The following PDE1C variants were observed in gnomAD, a reference collection of about 807,000 sequenced individuals.
PDE1C encodes phosphodiesterase 1C.
Under a neutral mutation model 93.1 loss-of-function variants are expected in PDE1C, and 62 were observed. The ratio of observed to expected loss-of-function variants is 0.67; its 90% CI spans 0.54 to 0.82. The LOEUF is 0.82. PDE1C is among the 40% of genes least tolerant of loss of function. The probability of loss-of-function intolerance (pLI) is 0.00; values close to 1 mark genes in which losing one functional copy is unlikely to be tolerated. For synonymous variants in PDE1C, 325 were observed against 310.1 expected (o/e 1.05, Z -0.50); for missense variants, 742 against 884.6 (o/e 0.84, Z 2.04).
At chr7:32,028,440 C>G (rs1042895570) in intron 2 of PDE1C, among the ~76,000 whole-genome samples, 1 of 152,102 alleles carries the variant, frequency 6.6e-6, no homozygotes, top group Non-Finnish European at 1.5e-5. Flanking sequence ...TCTATGCAAA[C>G]CATAAGAAAG....
rs560171485 is a variant in PDE1C, at chr7:31,852,623, C to T, written c.751-1882G>A. 5.3e-5 allele frequency among the ~76,000 whole-genome samples: 8 copies of T among 152,204 alleles called. No individual in the cohort carries two copies. The East Asian group carries it at 1.6e-3, about 30-fold the overall frequency. ...ATCATAGGTACTGTTGCTATCCCCA[C>T]TTGACAGATAAGGAAACAAGCCAGG... On this transcript the variant is annotated intron_variant, in intron 7 of 17. Coordinates refer to ENST00000396191, the MANE Select transcript of PDE1C (RefSeq NM_001191057.4).
At chr7:32,377,837 A>C (rs761466578) in intron 1 of PDE1C, among the ~76,000 whole-genome samples, 1 of 152,162 alleles carries the variant, frequency 6.6e-6, no homozygotes, top group Non-Finnish European at 1.5e-5. Context: ...CGCACCAAGC[A>C]AACCAAGCGG....
intron 17 of PDE1C, among the ~76,000 whole-genome samples, chr7:31,773,198 T>A (rs750650739): frequency 6.6e-6 from 1 of 152,170 alleles, no homozygotes; most frequent in Non-Finnish European, 1.5e-5. Flanking sequence ...TCTGACCATC[T>A]CTCAAGTCCT....
At chr7:31,850,098 C>T (rs745910792) in intron 8 of PDE1C, among the ~76,000 whole-genome samples, 4 of 152,036 alleles carry the variant, frequency 2.6e-5, no homozygotes, top group South Asian at 2.1e-4. Context: ...AGGTTGCTCA[C>T]GGTGAAAGTA....
At chr7:32,185,189 G>A (rs895326999) in intron 2 of PDE1C, among the ~76,000 whole-genome samples, 1 of 147,020 alleles carries the variant, frequency 6.8e-6, no homozygotes, top group African/African-American at 2.5e-5. Context: ...AGGTTGATGT[G>A]AGCTGAGATA....
intron 12 of PDE1C, among the ~76,000 whole-genome samples, chr7:31,825,998 A>C (rs1789612334): frequency 6.6e-6 from 1 of 152,148 alleles, no homozygotes; most frequent in Non-Finnish European, 1.5e-5. Context: ...ACCTTTGTAT[A>C]GTGATAGAGA....
At chr7:32,334,233 A>G (rs1783568444) in intron 1 of PDE1C, among the ~76,000 whole-genome samples, 1 of 152,218 alleles carries the variant, frequency 6.6e-6, no homozygotes, top group African/African-American at 2.4e-5. Context: ...TTGCAATTAT[A>G]TAAATAAAGA....
At chr7:31,969,184 T>G (rs1810520170) in intron 2 of PDE1C, among the ~76,000 whole-genome samples, 1 of 152,042 alleles carries the variant, frequency 6.6e-6, no homozygotes, top group Admixed American at 6.5e-5. Flanking sequence ...CAAAATAAAC[T>G]ACCATCAGAG....
the PDE1C span, among the ~76,000 whole-genome samples, chr7:31,655,017 CT>C: frequency 2.6e-5 from 4 of 152,152 alleles, no homozygotes; most frequent in Admixed American, 1.3e-4. Context: ...ATTCTCTTCT[CT>C]TTCTCCATTC....
chr7:31,632,218 G>A, the PDE1C span, among the ~76,000 whole-genome samples: 1 of 152,116 alleles, frequency 6.6e-6, no homozygotes, highest in Non-Finnish European at 1.5e-5. Context: ...GGTGGCTGAG[G>A]CAGGTGGATC....
At chr7:32,244,581 A>G (rs935564244) in intron 1 of PDE1C, among the ~76,000 whole-genome samples, 1 of 152,142 alleles carries the variant, frequency 6.6e-6, no homozygotes, top group African/African-American at 2.4e-5. Flanking sequence ...CGGCTTTCCA[A>G]TGAGTGTTCT....
At chr7:31,994,721 T>C (rs1784520631) in intron 2 of PDE1C, among the ~76,000 whole-genome samples, 1 of 151,982 alleles carries the variant, frequency 6.6e-6, no homozygotes, top group South Asian at 2.1e-4. Context: ...CCCCGGAAGG[T>C]GAAAAAAATA....
upstream of PDE1C, among the ~76,000 whole-genome samples, chr7:32,300,451 G>A (rs1362199949): frequency 6.6e-6 from 1 of 152,150 alleles, no homozygotes; most frequent in Non-Finnish European, 1.5e-5. Flanking sequence ...TGTAGTCCTT[G>A]AGACTGTAAT....
intron 2 of PDE1C, among the ~76,000 whole-genome samples, chr7:32,023,089 G>A (rs982733329): frequency 1.3e-5 from 2 of 151,830 alleles, no homozygotes; most frequent in Non-Finnish European, 2.9e-5. Flanking sequence ...TGTCAGTGAA[G>A]TACTCTCCTG....
intron 2 of PDE1C, among the ~76,000 whole-genome samples, chr7:32,191,965 T>C (rs987193561): frequency 2.0e-5 from 3 of 152,198 alleles, no homozygotes; most frequent in Admixed American, 2.0e-4. Flanking sequence ...TAATTTGCAT[T>C]TTCCCTTTTC....
chr7:32,202,880 C>T (rs1805120642), intron 2 of PDE1C, among the ~76,000 whole-genome samples: 1 of 152,090 alleles, frequency 6.6e-6, no homozygotes, highest in Admixed American at 6.6e-5. Context: ...TGTATTTTAA[C>T]GTGAACAATA....
upstream of PDE1C, among the ~76,000 whole-genome samples, chr7:32,301,854 T>C (rs1381948251): frequency 7.9e-5 from 12 of 152,252 alleles, no homozygotes; most frequent in Non-Finnish European, 4.4e-5. Context: ...TGTCTGCAGA[T>C]GAAATCTGGC....
At chr7:31,872,357 A>G (rs774979869) in intron 6 of PDE1C, among the ~76,000 whole-genome samples, 15 of 152,148 alleles carry the variant, frequency 9.9e-5, no homozygotes, top group Non-Finnish European at 2.1e-4. Flanking sequence ...TGTATTGTGC[A>G]TTTCAAAATA....
chr7:32,345,844 T>G (rs1783843791), intron 1 of PDE1C, among the ~76,000 whole-genome samples: 1 of 152,140 alleles, frequency 6.6e-6, no homozygotes, highest in South Asian at 2.1e-4. Flanking sequence ...AAAAAGATAA[T>G]AACAAGAATT....
Sources: allele counts gnomAD v4.1 joint callset (sites outside exome capture counted in the v4.1 genomes callset), GRCh38; gene constraint gnomAD v4.1.1; transcripts MANE v1.5; gene names NCBI Gene and HGNC (gene_info 2026-07-23, HGNC 2026-07-21).